Variants in DYNLL2 observed in about 807,000 individuals in gnomAD.
The protein encoded by DYNLL2 is dynein light chain 2, cytoplasmic.
Under a neutral mutation model 9.7 loss-of-function variants are expected in DYNLL2, and 1 was observed. The observed-to-expected ratio is 0.10, with a 90% confidence interval of 0.04 to 0.49. The LOEUF is 0.49. Ranked by LOEUF, DYNLL2 falls within the 20% of genes least tolerant of loss-of-function variation. The pLI is 0.95. For missense variants in DYNLL2, 37 were observed against 115.2 expected, an observed-to-expected ratio of 0.32 and a Z score of 3.11; for synonymous variants, 35 against 40.5, an observed-to-expected ratio of 0.86 and a Z score of 0.52.
At position 58,090,040 on chromosome 17, in the gene DYNLL2, T is replaced by A. The variant is rs1218207779; in HGVS notation, c.*761T>A. On this transcript the variant is annotated 3_prime_UTR_variant, in exon 3 of 3. Transcript: ENST00000579991. Reference sequence around the variant, plus strand: ...GGTAGGATTAGCTTGAATCTTTTTTTTCTTTACATTTTTCTCCTGTCTGCT... The same window carrying A: ...GGTAGGATTAGCTTGAATCTTTTTTATCTTTACATTTTTCTCCTGTCTGCT... 5 of 397,148 alleles carry A rather than the reference T, an allele frequency of 1.3e-5. No homozygotes were observed. Among genetic ancestry groups the A allele is most frequent in the Non-Finnish European group, 2.2e-5 (5 of 225,680 alleles). The allele number at this position is 397,148 out of a possible 1,614,324, so 24.6% of individuals were successfully genotyped here.
At chr17:58,086,960 C>A in intron 1 of DYNLL2, 122 bp from the exon 2 acceptor site, 1 of 1,186,074 alleles carries the variant, frequency 8.4e-7, no homozygotes, top group Admixed American at 2.1e-5. Context: ...GCTTCACATC[C>A]GTGTTTTCTG....
At chr17:58,089,029 G>C (rs2075770586) in intron 2 of DYNLL2, 113 bp from the exon 3 acceptor site, 1 of 1,331,330 alleles carries the variant, frequency 7.5e-7, no homozygotes, top group Non-Finnish European at 1.1e-6. Context: ...TGGGGTGGGG[G>C]TGATAACAAC....
chr17:58,087,363 A>T, intron 2 of DYNLL2, 141 bp downstream of exon 2: 1 of 1,239,912 alleles, frequency 8.1e-7, no homozygotes, highest in Non-Finnish European at 1.1e-6. Flanking sequence ...AAAGCAGACA[A>T]ACTAGCGAGT....
chr17:58,086,444 TC>T (rs2075760387), intron 1 of DYNLL2, among the ~76,000 whole-genome samples: 1 of 152,210 alleles, frequency 6.6e-6, no homozygotes, highest in African/African-American at 2.4e-5. Context: ...TCATATAACT[TC>T]AGTTAATCTT....
At chr17:58,084,038 C>T (rs2075747762) in intron 1 of DYNLL2, among the ~76,000 whole-genome samples, 1 of 151,962 alleles carries the variant, frequency 6.6e-6, no homozygotes. Context: ...GGAGAGGGCT[C>T]GGGCGTGACG....
chr17:58,089,831 TG>T lies in DYNLL2; in HGVS notation c.*556del, dbSNP rs1464264024. The T allele has an allele frequency of 2.5e-6, 1 of 398,122 alleles. No individual in the cohort carries two copies. Among genetic ancestry groups the T allele is most frequent in the African/African-American group, 2.1e-5 (1 of 48,380 alleles). The allele number at this position is 398,122 out of a possible 1,614,324, so 24.7% of individuals were successfully genotyped here. A position where few individuals can be genotyped will look rare whatever the true frequency, so the allele number is the denominator to read the frequency against. ...TCCACTGAACTGTGATTCTATGGCTTGGGGCGGAGGGTGGGGTGGGGATGCC... is the reference window on the plus strand; with the variant it reads ...TCCACTGAACTGTGATTCTATGGCTTGGGCGGAGGGTGGGGTGGGGATGCC... On this transcript the variant is annotated 3_prime_UTR_variant, in exon 3 of 3. Coordinates refer to ENST00000579991, the MANE Select transcript of DYNLL2 (RefSeq NM_080677.3).
At chr17:58,089,024 TG>T in intron 2 of DYNLL2, 117 bp from the exon 3 acceptor site, 1 of 1,265,106 alleles carries the variant, frequency 7.9e-7, no homozygotes, top group Non-Finnish European at 1.1e-6. Context: ...AGGGATGGGG[TG>T]GGGGTGATAA....
Position 58,083,494 on chromosome 17 carries a change from G to C in DYNLL2, c.-199G>C, listed in dbSNP as rs2075743623. On this transcript the variant is annotated 5_prime_UTR_variant, in exon 1 of 3. Coordinates refer to ENST00000579991, the MANE Select transcript of DYNLL2 (RefSeq NM_080677.3). ...GGGCGGGCGGCGTGAGGCGGAGCGC[G>C]GGCGGCCGGCGAAACTCCAAGGGCG... 2 of 151,624 alleles carry C rather than the reference G, an allele frequency of 1.3e-5. No individual in the cohort carries two copies. Among genetic ancestry groups the C allele is most frequent in the African/African-American group, 2.4e-5 (1 of 41,344 alleles). 9.4% of individuals were successfully genotyped at this position (151,624 alleles called of 1,614,324 possible).
chr17:58,085,052 A>C (rs2075754200), intron 1 of DYNLL2, among the ~76,000 whole-genome samples: 1 of 152,218 alleles, frequency 6.6e-6, no homozygotes, highest in African/African-American at 2.4e-5. Flanking sequence ...GTAACTAGTC[A>C]TTCCTTGAAC....
In DYNLL2 at chr17:58,094,338, GA is replaced by G. The variant is rs2143605292; in HGVS notation, c.*5060del. 1 of 152,144 alleles carries G rather than the reference GA, an allele frequency of 6.6e-6. No individual in the cohort carries two copies. The highest frequency in any genetic ancestry group is 1.5e-5 in the Non-Finnish European group (1 of 67,976). The allele number at this position is 152,144 out of a possible 1,614,324, so 9.4% of individuals were successfully genotyped here. A position where few individuals can be genotyped will look rare whatever the true frequency, so the allele number is the denominator to read the frequency against. ...GTGAAAATGCTTAGAAATGGGTGAT[GA>G]TGATGATGATGATACTGATTATTAG... On this transcript the variant is annotated 3_prime_UTR_variant, in exon 3 of 3. Transcript: ENST00000579991.
intron 2 of DYNLL2, 46 bp from the exon 3 acceptor site, chr17:58,089,096 C>T: frequency 6.2e-7 from 1 of 1,610,488 alleles, no homozygotes; most frequent in Non-Finnish European, 8.5e-7. Context: ...TTCTCCTTCT[C>T]CAGCTACCCT....
intron 1 of DYNLL2, 65 bp from the exon 2 acceptor site, chr17:58,087,017 C>T: frequency 6.3e-7 from 1 of 1,583,468 alleles, no homozygotes; most frequent in Non-Finnish European, 8.6e-7. Flanking sequence ...ACCCCACACC[C>T]AGCAGCTAAT....
chr17:58,084,349 C>T (rs1598087123), intron 1 of DYNLL2, among the ~76,000 whole-genome samples: 1 of 152,180 alleles, frequency 6.6e-6, no homozygotes, highest in East Asian at 1.9e-4. Context: ...GGATGGTGGT[C>T]CGTGTCATTC....
chr17:58,089,133 C>G lies in DYNLL2; in HGVS notation c.133-9C>G. The G allele has an allele frequency of 6.2e-7, 1 of 1,612,712 alleles. No individual in the cohort carries two copies. Among genetic ancestry groups the G allele is most frequent in the East Asian group, 2.2e-5 (1 of 44,882 alleles). On this transcript the variant is annotated splice_polypyrimidine_tract_variant and intron_variant, in intron 2 of 2. Coordinates refer to ENST00000579991, the MANE Select transcript of DYNLL2 (RefSeq NM_080677.3). ...ATTACCTTTCTTCTCTACCTTTGTTCTTTTTTAGGAATTTGACAAGAAATA... is the reference window on the plus strand; with the variant it reads ...ATTACCTTTCTTCTCTACCTTTGTTGTTTTTTAGGAATTTGACAAGAAATA...
In DYNLL2 at chr17:58,092,216, CGTGA is replaced by C. The variant is rs760934667; in HGVS notation, c.*2940_*2943del. 1 of 152,194 alleles carries C rather than the reference CGTGA, an allele frequency of 6.6e-6. No individual in the cohort carries two copies. The highest frequency in any genetic ancestry group is 1.5e-5 in the Non-Finnish European group (1 of 68,074). 9.4% of individuals were successfully genotyped at this position (152,194 alleles called of 1,614,324 possible). ...CAACTTCTGTTACTGCTTTAGCTGTCGTGAGTAATTTGACAGAGCTGGAGCTTTG... is the reference window on the plus strand; with the variant it reads ...CAACTTCTGTTACTGCTTTAGCTGTCGTAATTTGACAGAGCTGGAGCTTTG... On this transcript the variant is annotated 3_prime_UTR_variant, in exon 3 of 3. Coordinates refer to ENST00000579991, the MANE Select transcript of DYNLL2 (RefSeq NM_080677.3).
At chr17:58,089,026 G>A in intron 2 of DYNLL2, 116 bp from the exon 3 acceptor site, 1 of 1,290,932 alleles carries the variant, frequency 7.7e-7, no homozygotes, top group Admixed American at 1.9e-5. Flanking sequence ...GGATGGGGTG[G>A]GGGTGATAAC....
chr17:58,089,294 G>C lies in DYNLL2; in HGVS notation c.*15G>C. ...AGTCAGGCTAGGTGGCCATGGTGAAGGTGTCAGTGGCGGCGGCAGCGATGG... is the reference window on the plus strand; with the variant it reads ...AGTCAGGCTAGGTGGCCATGGTGAACGTGTCAGTGGCGGCGGCAGCGATGG... On this transcript the variant is annotated 3_prime_UTR_variant, in exon 3 of 3. Transcript: ENST00000579991. The C allele has an allele frequency of 6.2e-7, 1 of 1,609,098 alleles. No homozygotes were observed. The highest frequency in any genetic ancestry group is 8.5e-7 in the Non-Finnish European group (1 of 1,176,984).
rs1483617693 is a variant in DYNLL2, at chr17:58,091,198, T to A, written c.*1919T>A. 4 of 152,222 alleles carry A rather than the reference T, an allele frequency of 2.6e-5. No homozygotes were observed. The highest frequency in any genetic ancestry group is 5.9e-5 in the Non-Finnish European group (4 of 68,098). The allele number at this position is 152,222 out of a possible 1,614,324, so 9.4% of individuals were successfully genotyped here. The stretch of plus-strand genomic sequence containing the variant: ...CCTATGCTCTGCATCCACGCCTCTT[T>A]TGGACATTAAAGGTTGATTGATGCA... On this transcript the variant is annotated 3_prime_UTR_variant, in exon 3 of 3. Coordinates refer to ENST00000579991, the MANE Select transcript of DYNLL2 (RefSeq NM_080677.3).
rs2075788534 is a variant in DYNLL2, at chr17:58,093,763, A to G, written c.*4484A>G. On this transcript the variant is annotated 3_prime_UTR_variant, in exon 3 of 3. Transcript: ENST00000579991. ...CTTTGGGAGAGATGGGTCTCCTGGT[A>G]TTAGAAAGGAGAGCAGACGCCTAGA... 1.3e-5 allele frequency: 2 copies of G among 152,094 alleles called. No individual in the cohort carries two copies. Among genetic ancestry groups the G allele is most frequent in the African/African-American group, 4.8e-5 (2 of 41,412 alleles). 9.4% of individuals were successfully genotyped at this position (152,094 alleles called of 1,614,324 possible).
Sources: gnomAD v4.1 joint callset for allele counts (sites outside exome capture counted in the v4.1 genomes callset) on GRCh38, gnomAD v4.1.1 for gene constraint, MANE v1.5 for transcripts, NCBI Gene and HGNC (gene_info 2026-07-23, HGNC 2026-07-21) for gene names.